TBC1D22A: variants seen among roughly 807,000 people sequenced by gnomAD.
TBC1D22A encodes TBC1 domain family member 22A.
Under a neutral mutation model 60.2 loss-of-function variants are expected in TBC1D22A, and 38 were observed. That is an observed-to-expected ratio of 0.63 (90% confidence interval 0.49 to 0.83). TBC1D22A has a LOEUF of 0.83. Ranked by LOEUF, TBC1D22A falls within the 40% of genes least tolerant of loss-of-function variation. The pLI, the probability that TBC1D22A is intolerant of heterozygous loss-of-function variation, is 0.00. For synonymous variants in TBC1D22A, 302 were observed against 281.7 expected, an observed-to-expected ratio of 1.07 and a Z score of -0.72; for missense variants, 628 against 701.0, an observed-to-expected ratio of 0.90 and a Z score of 1.18.
At chr22:46,942,028 A>AT (rs761767962) in intron 8 of TBC1D22A, among the ~76,000 whole-genome samples, 19 of 135,530 alleles carry the variant, frequency 1.4e-4, no homozygotes, top group Admixed American at 4.4e-4. Context: ...TATATATATT[A>AT]TATATATATA....
At chr22:46,817,099 C>T (rs944990589) in intron 4 of TBC1D22A, among the ~76,000 whole-genome samples, 2 of 152,126 alleles carry the variant, frequency 1.3e-5, no homozygotes, top group African/African-American at 2.4e-5. Context: ...GTAAGTCAAT[C>T]GTATCTCAAG....
intron 3 of TBC1D22A, among the ~76,000 whole-genome samples, chr22:46,795,314 C>T (rs2084604021): frequency 6.6e-6 from 1 of 152,230 alleles, no homozygotes; most frequent in South Asian, 2.1e-4. Context: ...GTGAGCCTCT[C>T]AGCACCGTGC....
intron 12 of TBC1D22A, among the ~76,000 whole-genome samples, chr22:47,172,063 A>AGCACTCCCAGTAAGCCCAACGCACCT (rs1469704730): frequency 9.0e-6 from 1 of 111,010 alleles, no homozygotes; most frequent in Non-Finnish European, 1.9e-5. Context: ...GAGCCTACCC[A>AGCACTCCCAGTAAGCCCAACGCACCT]GCACTCCCAG....
chr22:46,857,236 G>T (rs936294455), intron 4 of TBC1D22A, among the ~76,000 whole-genome samples: 3 of 152,202 alleles, frequency 2.0e-5, no homozygotes, highest in African/African-American at 7.2e-5. Flanking sequence ...CAGGCCTGGG[G>T]TCTCTGGGAG....
intron 8 of TBC1D22A, among the ~76,000 whole-genome samples, chr22:46,955,917 G>C (rs763130771): frequency 2.0e-5 from 3 of 152,206 alleles, no homozygotes; most frequent in Non-Finnish European, 2.9e-5. Flanking sequence ...GCAAATGTTT[G>C]CATGAGTTGA....
rs2061565405 is a variant in TBC1D22A at position 47,005,667 on chromosome 22, C to G, written c.1201+7958C>G. On this transcript the variant is annotated intron_variant, in intron 10 of 12. Transcript: ENST00000337137. ...ACACACACACACCCACACACACACC[C>G]ATATACATATACACATACACACCTA... 4.0e-5 allele frequency among the ~76,000 whole-genome samples: 6 copies of G among 151,494 alleles called. 1 individual carries two copies. The South Asian group carries it at 1.0e-3, about 26-fold the overall frequency.
chr22:46,999,725 A>G (rs1357584512), intron 10 of TBC1D22A, among the ~76,000 whole-genome samples: 1 of 152,176 alleles, frequency 6.6e-6, no homozygotes, highest in Non-Finnish European at 1.5e-5. Context: ...AATTGCTTAA[A>G]GAAAAAAAAA....
chr22:46,913,933 T>C (rs1357824930), intron 8 of TBC1D22A: 1 of 252,366 alleles, frequency 4.0e-6, no homozygotes, highest in Admixed American at 6.5e-5. Context: ...ATTTGTGTCC[T>C]ATAAGTGGTG....
At chr22:47,099,363 A>G (rs1199679562) in intron 11 of TBC1D22A, among the ~76,000 whole-genome samples, 1 of 152,070 alleles carries the variant, frequency 6.6e-6, no homozygotes, top group African/African-American at 2.4e-5. Flanking sequence ...AGGGGCGGTC[A>G]AGAATGGTTT....
At chr22:47,135,878 T>C (rs2066849330) in intron 12 of TBC1D22A, among the ~76,000 whole-genome samples, 1 of 150,058 alleles carries the variant, frequency 6.7e-6, no homozygotes, top group Non-Finnish European at 1.5e-5. Flanking sequence ...TGGAGTGCTG[T>C]GTTCATTCGC....
At chr22:46,903,043 C>T (rs1220554468) in intron 7 of TBC1D22A, among the ~76,000 whole-genome samples, 3 of 152,216 alleles carry the variant, frequency 2.0e-5, no homozygotes, top group African/African-American at 7.2e-5. Context: ...GGCCGCCTCA[C>T]GTCTCTGCTC....
intron 4 of TBC1D22A, among the ~76,000 whole-genome samples, chr22:46,814,529 C>T (rs892813864): frequency 1.1e-4 from 17 of 152,258 alleles, no homozygotes; most frequent in African/African-American, 3.1e-4. Context: ...TTCCCCAGGA[C>T]GTTAAAAAAG....
chr22:47,148,735 T>A (rs556195939), intron 12 of TBC1D22A, among the ~76,000 whole-genome samples: 1 of 150,622 alleles, frequency 6.6e-6, no homozygotes, highest in African/African-American at 2.4e-5. Context: ...GGTCCTCTCC[T>A]GGGGTCCCTC....
chr22:47,109,438 T>C (rs1308282252), intron 11 of TBC1D22A, among the ~76,000 whole-genome samples: 1 of 152,204 alleles, frequency 6.6e-6, no homozygotes, highest in Non-Finnish European at 1.5e-5. Context: ...ACTCTTAGAA[T>C]ATGCACCCTC....
intron 4 of TBC1D22A, among the ~76,000 whole-genome samples, chr22:46,801,507 A>C (rs1365706649): frequency 6.6e-6 from 1 of 152,206 alleles, no homozygotes; most frequent in Non-Finnish European, 1.5e-5. Flanking sequence ...AGCTCATTTT[A>C]CTCTTAGCAT....
chr22:46,811,699 T>A (rs2085384527), intron 4 of TBC1D22A, among the ~76,000 whole-genome samples: 1 of 152,154 alleles, frequency 6.6e-6, no homozygotes, highest in South Asian at 2.1e-4. Flanking sequence ...GAGCCAGCAC[T>A]CGAGGCCAGG....
chr22:46,950,647 G>T (rs896937946), intron 8 of TBC1D22A, among the ~76,000 whole-genome samples: 7 of 152,164 alleles, frequency 4.6e-5, no homozygotes, highest in African/African-American at 1.7e-4. Flanking sequence ...TCAGGAAGTT[G>T]CAAGGAACAA....
At chr22:46,981,301 T>C (rs1372520276) in intron 9 of TBC1D22A, among the ~76,000 whole-genome samples, 3 of 152,196 alleles carry the variant, frequency 2.0e-5, no homozygotes, top group African/African-American at 7.2e-5. Flanking sequence ...CGTTGTAATA[T>C]TAGTTCATTT....
chr22:47,128,985 C>T (rs116560512), intron 12 of TBC1D22A, among the ~76,000 whole-genome samples: 6 of 152,146 alleles, frequency 3.9e-5, no homozygotes, highest in Non-Finnish European at 7.3e-5. Flanking sequence ...CATGGGTAGC[C>T]GGGTGCATGT....
Sources: allele counts gnomAD v4.1 joint callset (sites outside exome capture counted in the v4.1 genomes callset), GRCh38; gene constraint gnomAD v4.1.1; transcripts MANE v1.5; gene names NCBI Gene and HGNC (gene_info 2026-07-23, HGNC 2026-07-21).